The following PTPN21 variants were observed in gnomAD, a reference collection of about 807,000 sequenced individuals.
PTPN21 encodes the protein tyrosine-protein phosphatase non-receptor type 21.
In PTPN21, 77 loss-of-function variants were observed where a neutral mutation model predicts 131.8. That is an observed-to-expected ratio of 0.58 (90% CI 0.49 to 0.71). PTPN21 has a LOEUF of 0.71. Ranked by LOEUF, PTPN21 falls within the 30% of genes least tolerant of loss-of-function variation. The pLI is 0.00. For missense variants in PTPN21, 1,552 were observed against 1,527.1 expected (o/e 1.02, Z -0.27); for synonymous variants, 715 against 621.3 (o/e 1.15, Z -2.24).
At chr14:88,520,943 A>C (rs2078380295) in intron 2 of PTPN21, among the ~76,000 whole-genome samples, 1 of 152,154 alleles carries the variant, frequency 6.6e-6, no homozygotes, top group African/African-American at 2.4e-5. Context: ...TCCCAGGCTC[A>C]AGTGATCCTT....
Position 88,468,281 on chromosome 14 carries a change from C to T in PTPN21, c.3397-16G>A, listed in dbSNP as rs200209418. 252 of 1,584,402 alleles carry T rather than the reference C, an allele frequency of 1.6e-4. No individual in the cohort carries two copies. Among genetic ancestry groups the T allele is most frequent in the Non-Finnish European group, 1.9e-4 (225 of 1,166,168 alleles). The stretch of plus-strand genomic sequence containing the variant: ...TGTCCAGCACCTAGGTTGAGAGAAA[C>T]GGTAATGAAGATAATGTGTTCCCCT... On this transcript the variant is annotated splice_polypyrimidine_tract_variant and intron_variant, in intron 18 of 18. Coordinates refer to ENST00000556564, the MANE Select transcript of PTPN21 (RefSeq NM_007039.4).
chr14:88,499,835 G>T (rs1217336913), intron 8 of PTPN21, among the ~76,000 whole-genome samples: 1 of 152,154 alleles, frequency 6.6e-6, no homozygotes, highest in Non-Finnish European at 1.5e-5. Flanking sequence ...GGAATTAAAG[G>T]TAGGGGATTG....
intron 2 of PTPN21, among the ~76,000 whole-genome samples, chr14:88,522,378 T>C (rs1194907876): frequency 2.2e-5 from 3 of 137,498 alleles, no homozygotes; most frequent in African/African-American, 8.3e-5. Flanking sequence ...GCTGAGAGCA[T>C]GCCACTGTAC....
chr14:88,485,023 G>C lies in PTPN21; in HGVS notation c.1078+53C>G, dbSNP rs1437890277. On this transcript the variant is annotated intron_variant, in intron 12 of 18. Transcript: ENST00000556564. ...GCTTCATGATCTCCAAGCATTCACAGATTTATCCATAGTCATAACTATGTA... is the reference window on the plus strand; with the variant it reads ...GCTTCATGATCTCCAAGCATTCACACATTTATCCATAGTCATAACTATGTA... 2.8e-6 allele frequency: 4 copies of C among 1,446,246 alleles called. No homozygotes were observed. In the Admixed American group the frequency reaches 5.1e-5, roughly 18 times the overall value. 89.6% of individuals were successfully genotyped at this position (1,446,246 alleles called of 1,614,324 possible).
chr14:88,470,195 GGAAA>G, intron 15 of PTPN21, 145 bp from the exon 16 acceptor site: 2 of 714,044 alleles, frequency 2.8e-6, no homozygotes, highest in South Asian at 4.0e-5. Context: ...AGCAGAATAA[GGAAA>G]GACTTTTCAT....
chr14:88,482,795 G>GT (rs758934997), intron 12 of PTPN21, among the ~76,000 whole-genome samples: 10 of 151,790 alleles, frequency 6.6e-5, no homozygotes, highest in African/African-American at 1.2e-4. Flanking sequence ...AGGCTTGAAT[G>GT]TGATGGTGAG....
At chr14:88,518,835 T>C (rs975149288) in intron 2 of PTPN21, among the ~76,000 whole-genome samples, 4 of 152,112 alleles carry the variant, frequency 2.6e-5, no homozygotes, top group African/African-American at 7.2e-5. Context: ...TTGGTTTCTA[T>C]AAAAGAAATT....
chr14:88,521,219 T>C (rs2078386745), intron 2 of PTPN21, among the ~76,000 whole-genome samples: 1 of 152,076 alleles, frequency 6.6e-6, no homozygotes, highest in African/African-American at 2.4e-5. Flanking sequence ...TACTGACTCC[T>C]CCCCTCAAAA....
At chr14:88,531,820 C>T in intron 2 of PTPN21, among the ~76,000 whole-genome samples, 1 of 152,124 alleles carries the variant, frequency 6.6e-6, no homozygotes, top group East Asian at 1.9e-4. Flanking sequence ...AAACAAAAAG[C>T]TGGTTCTTTG....
intron 18 of PTPN21, 111 bp from the exon 19 acceptor site, chr14:88,468,376 T>A: frequency 9.3e-7 from 1 of 1,077,432 alleles, no homozygotes; most frequent in East Asian, 2.5e-5. Flanking sequence ...GACAGTCTCT[T>A]TTCCACCTTA....
chr14:88,532,818 A>G (rs1209391061), intron 2 of PTPN21, among the ~76,000 whole-genome samples: 4 of 152,248 alleles, frequency 2.6e-5, no homozygotes, highest in African/African-American at 4.8e-5. Flanking sequence ...TAGAATTTAC[A>G]AAGAATTACA....
intron 6 of PTPN21, chr14:88,503,804 T>C (rs967687344): frequency 1.3e-5 from 2 of 152,332 alleles, no homozygotes; most frequent in South Asian, 2.1e-4. Flanking sequence ...AAGGAGCATC[T>C]ATATGTGGAA....
rs2077505573 is a variant in PTPN21, at chr14:88,473,729, A to T, written c.2585T>A (p.Leu862Gln). 2 of 1,611,974 alleles carry T rather than the reference A, an allele frequency of 1.2e-6. No homozygotes were observed. The highest frequency in any genetic ancestry group is 1.7e-6 in the Non-Finnish European group (2 of 1,179,650). Reference sequence around the variant, plus strand: ...TTCATCAGGCAGAGGCACTCGAGATAGGGAGAGTCCATTTAGGGCAGCCAG... The same window carrying T: ...TTCATCAGGCAGAGGCACTCGAGATTGGGAGAGTCCATTTAGGGCAGCCAG... Reference protein sequence around the residue: ...LKLAALNGLSLSRVPLPDEGK... With the variant: ...LKLAALNGLSQSRVPLPDEGK... The change falls in exon 14 of 19, where the codon CTA becomes CAA. Residue 862 changes from leucine to glutamine, a missense_variant. By Grantham distance (113) the Leu-to-Gln change is moderately radical. Transcript: ENST00000556564.
intron 13 of PTPN21, among the ~76,000 whole-genome samples, chr14:88,474,129 T>TCC (rs1320334281): frequency 0.094 from 3,720 of 39,370 alleles, 191 homozygotes; most frequent in African/African-American, 0.26. Context: ...TCAGCTGAAG[T>TCC]CCAAAAAAAA....
chr14:88,550,176 A>C lies in PTPN21; in HGVS notation c.180+62T>G, dbSNP rs1024158464. The C allele has an allele frequency of 1.4e-5, 21 of 1,514,768 alleles. No homozygotes were observed. In the African/African-American group the frequency reaches 1.9e-4, roughly 14 times the overall value. 93.8% of individuals were successfully genotyped at this position (1,514,768 alleles called of 1,614,324 possible). A position where few individuals can be genotyped will look rare whatever the true frequency, so the allele number is the denominator to read the frequency against. On this transcript the variant is annotated intron_variant, in intron 2 of 18. Transcript: ENST00000556564. ...TGATCCACCAGCCTCGGCCTCTCAAAGTGCTGGGATTACAGGCTTGAGCCA... is the reference window on the plus strand; with the variant it reads ...TGATCCACCAGCCTCGGCCTCTCAACGTGCTGGGATTACAGGCTTGAGCCA...
At chr14:88,478,888 C>G (rs2077586809) in intron 13 of PTPN21, 32 bp downstream of exon 13, 1 of 1,407,366 alleles carries the variant, frequency 7.1e-7, no homozygotes. Context: ...CGCGCGGTCC[C>G]CTGGCCCGGC....
At chr14:88,527,944 G>C (rs1248222706) in intron 2 of PTPN21, among the ~76,000 whole-genome samples, 1 of 152,090 alleles carries the variant, frequency 6.6e-6, no homozygotes, top group Non-Finnish European at 1.5e-5. Context: ...TGTTTCCTTT[G>C]CTAAAGATCA....
In PTPN21 at chr14:88,469,175, A is replaced by C; in HGVS notation, c.3236-99T>G. 1 of 1,336,810 alleles carries C rather than the reference A, an allele frequency of 7.5e-7. No individual in the cohort carries two copies. The allele number at this position is 1,336,810 out of a possible 1,614,324, so 82.8% of individuals were successfully genotyped here. A position where few individuals can be genotyped will look rare whatever the true frequency, so the allele number is the denominator to read the frequency against. ...TCTCTCCACTGATTAAGAGGACTGC[A>C]GATAAAGAGCACTGGGTGCCAGTGA... On this transcript the variant is annotated intron_variant, in intron 17 of 18. Transcript: ENST00000556564. This position sits in a 1 kb window ranked among gnomAD's most constrained non-coding sequence, Gnocchi z 4.3.
At chr14:88,495,587 G>T (rs1282920902) in intron 10 of PTPN21, among the ~76,000 whole-genome samples, 3 of 152,176 alleles carry the variant, frequency 2.0e-5, no homozygotes, top group Non-Finnish European at 4.4e-5. Context: ...TTGAACCGGG[G>T]GCTCAGGGGG....
Sources: gnomAD v4.1 joint callset for allele counts (sites outside exome capture counted in the v4.1 genomes callset) on GRCh38, gnomAD v4.1.1 for gene constraint, Gnocchi (gnomAD v3.1) non-coding constraint, MANE v1.5 for transcripts, NCBI Gene and HGNC (gene_info 2026-07-23, HGNC 2026-07-21) for gene names.